MACROD2: variants seen among roughly 807,000 people sequenced by gnomAD.
MACROD2 encodes the protein ADP-ribose glycohydrolase MACROD2.
MACROD2 carries 36 observed loss-of-function variants against 70.4 expected under a neutral mutation model. That is an observed-to-expected ratio of 0.51 (90% confidence interval 0.39 to 0.68). The LOEUF is 0.68. Among genes scored for constraint, MACROD2 ranks in the 30% least tolerant of loss-of-function variants. The pLI, the probability that MACROD2 is intolerant of heterozygous loss-of-function variation, is 0.00. For synonymous variants in MACROD2, 172 were observed against 178.8 expected, an observed-to-expected ratio of 0.96 and a Z score of 0.30; for missense variants, 496 against 538.4, an observed-to-expected ratio of 0.92 and a Z score of 0.78.
At chr20:14,565,781 C>T (rs1373586637) in intron 4 of MACROD2, among the ~76,000 whole-genome samples, 1 of 151,926 alleles carries the variant, frequency 6.6e-6, no homozygotes, top group Non-Finnish European at 1.5e-5. Flanking sequence ...CTGCCTTTCT[C>T]TGGCTTGCTG....
intron 5 of MACROD2, among the ~76,000 whole-genome samples, chr20:15,227,577 A>G (rs910117309): frequency 1.3e-5 from 2 of 152,208 alleles, no homozygotes; most frequent in Non-Finnish European, 2.9e-5. Flanking sequence ...GCTAAAAAGC[A>G]TAGACTTTGT....
intron 8 of MACROD2, among the ~76,000 whole-genome samples, chr20:15,686,086 G>C (rs2050221037): frequency 6.6e-6 from 1 of 152,208 alleles, no homozygotes; most frequent in Admixed American, 6.5e-5. Context: ...CACACAGGTG[G>C]AAATGATGAG....
intron 8 of MACROD2, among the ~76,000 whole-genome samples, chr20:15,728,509 C>T (rs1282096131): frequency 6.6e-6 from 1 of 152,020 alleles, no homozygotes; most frequent in Non-Finnish European, 1.5e-5. Flanking sequence ...GTAGAATTGT[C>T]TGTGAATTTG....
chr20:16,010,320 C>T (rs1156649975), intron 15 of MACROD2, among the ~76,000 whole-genome samples: 1 of 152,100 alleles, frequency 6.6e-6, no homozygotes, highest in African/African-American at 2.4e-5. Context: ...GGACCAGCAT[C>T]TTGTGACATT....
At chr20:14,442,873 G>A (rs1461833239) in intron 3 of MACROD2, among the ~76,000 whole-genome samples, 4 of 151,938 alleles carry the variant, frequency 2.6e-5, no homozygotes, top group Non-Finnish European at 5.9e-5. Flanking sequence ...TCAGGAGATC[G>A]AGACCATCCT....
chr20:14,862,982 G>C (rs963874756), intron 5 of MACROD2, among the ~76,000 whole-genome samples: 1 of 151,600 alleles, frequency 6.6e-6, no homozygotes, highest in South Asian at 2.1e-4. Context: ...CACAGAAGAT[G>C]GGCAGTGACT....
intron 3 of MACROD2, chr20:14,323,323 A>G (rs1318539370): frequency 2.6e-5 from 4 of 152,190 alleles, no homozygotes; most frequent in Non-Finnish European, 2.9e-5. Context: ...CTGACGTATT[A>G]TAAAGGATGT....
intron 5 of MACROD2, among the ~76,000 whole-genome samples, chr20:15,138,615 T>C (rs2076168919): frequency 1.3e-5 from 2 of 152,156 alleles, no homozygotes; most frequent in African/African-American, 4.8e-5. Flanking sequence ...AAACCTTCCA[T>C]GTTGTTATTT....
chr20:15,677,349 C>T (rs13037804), intron 8 of MACROD2, among the ~76,000 whole-genome samples: 30,954 of 151,848 alleles, frequency 0.2, 3,832 homozygotes, highest in Non-Finnish European at 0.26. Context: ...AATGAATCAA[C>T]GATAGAAACT....
At chr20:14,172,043 A>G (rs2081225486) in intron 3 of MACROD2, among the ~76,000 whole-genome samples, 1 of 151,982 alleles carries the variant, frequency 6.6e-6, no homozygotes, top group Admixed American at 6.6e-5. Flanking sequence ...TATATTTAGG[A>G]TTGTGATATT....
chr20:14,385,374 C>A (rs1465517083), intron 3 of MACROD2, among the ~76,000 whole-genome samples: 3 of 152,080 alleles, frequency 2.0e-5, no homozygotes, highest in African/African-American at 7.2e-5. Context: ...CTTCCATTAA[C>A]TCTGTTGTGA....
chr20:14,039,805 G>GTT (rs11482552), intron 2 of MACROD2, among the ~76,000 whole-genome samples: 1,760 of 145,050 alleles, frequency 0.012, 17 homozygotes, highest in Admixed American at 0.018. Flanking sequence ...TTTGCCATCT[G>GTT]TTTTTTTTTT....
chr20:15,530,057 G>C (rs2047776006), intron 8 of MACROD2, among the ~76,000 whole-genome samples: 1 of 152,212 alleles, frequency 6.6e-6, no homozygotes, highest in African/African-American at 2.4e-5. Context: ...AAAAAATTAA[G>C]TGGAAGTAAC....
intron 8 of MACROD2, among the ~76,000 whole-genome samples, chr20:15,754,681 A>AAC (rs1227682965): frequency 1.5e-5 from 2 of 133,110 alleles, no homozygotes; most frequent in African/African-American, 6.7e-5. Context: ...AATCTATTCA[A>AAC]TCTTTTTTTT....
At chr20:14,768,323 T>C (rs1401743609) in intron 5 of MACROD2, among the ~76,000 whole-genome samples, 1 of 152,050 alleles carries the variant, frequency 6.6e-6, no homozygotes, top group Non-Finnish European at 1.5e-5. Context: ...TTTTTAATGA[T>C]CGCCATTCTA....
chr20:15,557,742 G>C (rs2048186819), intron 8 of MACROD2, among the ~76,000 whole-genome samples: 1 of 152,212 alleles, frequency 6.6e-6, no homozygotes, highest in African/African-American at 2.4e-5. Flanking sequence ...AGAGAGTACA[G>C]AAGGGGGAAT....
chr20:15,362,351 C>G (rs1269580299), intron 6 of MACROD2, among the ~76,000 whole-genome samples: 1 of 151,938 alleles, frequency 6.6e-6, no homozygotes. Context: ...GTGGTGAGAG[C>G]GGACATCCTT....
intron 8 of MACROD2, among the ~76,000 whole-genome samples, chr20:15,841,386 A>C (rs1390857685): frequency 1.3e-5 from 2 of 152,168 alleles, no homozygotes; most frequent in East Asian, 3.9e-4. Context: ...AAAGAGGTTT[A>C]CTTGGCTCAA....
At chr20:14,865,813 G>A (rs1349501975) in intron 5 of MACROD2, among the ~76,000 whole-genome samples, 1 of 152,124 alleles carries the variant, frequency 6.6e-6, no homozygotes, top group African/African-American at 2.4e-5. Flanking sequence ...ATCCTGTGAT[G>A]AGAATGCAAG....
Sources: gnomAD v4.1 joint callset for allele counts (sites outside exome capture counted in the v4.1 genomes callset) on GRCh38, gnomAD v4.1.1 for gene constraint, MANE v1.5 for transcripts, NCBI Gene and HGNC (gene_info 2026-07-23, HGNC 2026-07-21) for gene names.